Variants in HECW1 observed in about 807,000 individuals in gnomAD.
The protein encoded by HECW1 is HECT, C2 and WW domain containing E3 ubiquitin protein ligase 1.
HECW1 carries 61 observed loss-of-function variants against 182.3 expected under a neutral mutation model. The ratio of observed to expected loss-of-function variants is 0.33; its 90% CI spans 0.27 to 0.41. The LOEUF (loss-of-function observed/expected upper bound fraction) is 0.41. Among genes scored for constraint, HECW1 ranks in the 10% least tolerant of loss-of-function variants. HECW1 has a pLI of 1.00. For missense variants in HECW1, 1,739 were observed against 2,108.9 expected (o/e 0.82, Z 3.44); for synonymous variants, 859 against 832.6 (o/e 1.03, Z -0.55).
intron 5 of HECW1, among the ~76,000 whole-genome samples, chr7:43,345,849 A>G (rs943037335): frequency 6.3e-5 from 9 of 141,790 alleles, no homozygotes; most frequent in Non-Finnish European, 1.1e-4. Flanking sequence ...ATACACACAC[A>G]TCATATATAT....
In HECW1 at chr7:43,293,345, C is replaced by G. The variant is rs576721082; in HGVS notation, c.28-18418C>G. Among the ~76,000 whole-genome samples, 22 of 152,296 alleles carry G rather than the reference C, an allele frequency of 1.4e-4. No individual in the cohort carries two copies. The South Asian group carries it at 1.9e-3, about 13-fold the overall frequency. On this transcript the variant is annotated intron_variant, in intron 3 of 29. Coordinates refer to ENST00000395891, the MANE Select transcript of HECW1 (RefSeq NM_015052.5). ...AGAATCTTCTTGGGTTCAAATACCC[C>G]CTAGAGGTTTCCCATTGGCCACTTC...
At chr7:43,165,122 G>A (rs1053300267) in intron 2 of HECW1, among the ~76,000 whole-genome samples, 1 of 152,156 alleles carries the variant, frequency 6.6e-6, no homozygotes, top group Non-Finnish European at 1.5e-5. Flanking sequence ...CCTAAATGAT[G>A]AAAATAATAA....
At chr7:43,495,622 A>G (rs1458617635) in intron 19 of HECW1, among the ~76,000 whole-genome samples, 1 of 152,176 alleles carries the variant, frequency 6.6e-6, no homozygotes, top group Non-Finnish European at 1.5e-5. Context: ...TTTAGAGTGA[A>G]TGAAAGATCT....
chr7:43,536,675 C>G (rs1026501499), intron 24 of HECW1, among the ~76,000 whole-genome samples: 1 of 152,140 alleles, frequency 6.6e-6, no homozygotes, highest in Non-Finnish European at 1.5e-5. Context: ...AGAAGAATGG[C>G]CTAGGGAGCC....
At chr7:43,404,722 G>A (rs999502904) in intron 7 of HECW1, among the ~76,000 whole-genome samples, 11 of 152,082 alleles carry the variant, frequency 7.2e-5, no homozygotes, top group Non-Finnish European at 2.9e-5. Context: ...GCTCACACCT[G>A]TAATCCCAGC....
At chr7:43,207,342 C>T (rs1251158636) in intron 2 of HECW1, among the ~76,000 whole-genome samples, 1 of 152,110 alleles carries the variant, frequency 6.6e-6, no homozygotes, top group Non-Finnish European at 1.5e-5. Context: ...CACCGCACGC[C>T]GCCTAAAATT....
intron 29 of HECW1, among the ~76,000 whole-genome samples, chr7:43,556,697 T>C (rs372543043): frequency 3.1e-4 from 44 of 144,022 alleles, no homozygotes; most frequent in South Asian, 4.4e-4. Context: ...CAAATTAAAT[T>C]AAAAAAAAAA....
intron 2 of HECW1, among the ~76,000 whole-genome samples, chr7:43,197,310 C>G (rs1350997135): frequency 6.6e-6 from 1 of 152,060 alleles, no homozygotes; most frequent in Non-Finnish European, 1.5e-5. Context: ...GCGGAATACC[C>G]CATCCCACCC....
intron 26 of HECW1, among the ~76,000 whole-genome samples, chr7:43,550,104 C>CAAA (rs5883871): frequency 1.3e-5 from 2 of 148,730 alleles, no homozygotes; most frequent in Admixed American, 1.3e-4. Flanking sequence ...CACATTCTAC[C>CAAA]AAAAAAAAAG....
chr7:43,293,228 A>AAAAT (rs1483211923), intron 3 of HECW1, among the ~76,000 whole-genome samples: 2 of 151,066 alleles, frequency 1.3e-5, no homozygotes, highest in African/African-American at 4.9e-5. Flanking sequence ...TCAAAAAAAA[A>AAAAT]AAAAAAAAGA....
intron 2 of HECW1, among the ~76,000 whole-genome samples, chr7:43,238,165 A>C (rs557606161): frequency 9.7e-4 from 148 of 152,318 alleles, no homozygotes; most frequent in African/African-American, 3.4e-3. Flanking sequence ...GATGTGCCTC[A>C]GATGAAACAT....
intron 11 of HECW1, among the ~76,000 whole-genome samples, chr7:43,446,780 A>C (rs1398083454): frequency 6.6e-6 from 1 of 152,264 alleles, no homozygotes; most frequent in African/African-American, 2.4e-5. Flanking sequence ...AAACACAGGC[A>C]GAAAGGTAAA....
Position 43,507,878 on chromosome 7 carries a change from C to T in HECW1, c.3753-140C>T, listed in dbSNP as rs1291728497. ...TTCAGATAATCCCTCGATGAACTGACGGAACCTGGGTCCTGCTCTTTCCTC... is the reference window on the plus strand; with the variant it reads ...TTCAGATAATCCCTCGATGAACTGATGGAACCTGGGTCCTGCTCTTTCCTC... On this transcript the variant is annotated intron_variant, in intron 22 of 29. Transcript: ENST00000395891. 2.2e-5 allele frequency: 13 copies of T among 600,610 alleles called. 1 individual carries two copies. In the South Asian group the frequency reaches 2.5e-4, roughly 12 times the overall value. 37.2% of individuals were successfully genotyped at this position (600,610 alleles called of 1,614,324 possible). A position where few individuals can be genotyped will look rare whatever the true frequency, so the allele number is the denominator to read the frequency against.
chr7:43,315,891 T>C (rs1384517845), intron 4 of HECW1, among the ~76,000 whole-genome samples: 3 of 152,170 alleles, frequency 2.0e-5, no homozygotes, highest in Non-Finnish European at 4.4e-5. Context: ...TGAATTACTC[T>C]GAAAAATGGA....
rs1024382518 is a variant in HECW1, at chr7:43,112,873, C to T, written c.-331C>T. 1.8e-5 allele frequency: 4 copies of T among 224,030 alleles called. No homozygotes were observed. Among genetic ancestry groups the T allele is most frequent in the Admixed American group, 5.7e-5 (1 of 17,446 alleles). 13.9% of individuals were successfully genotyped at this position (224,030 alleles called of 1,614,324 possible). On this transcript the variant is annotated 5_prime_UTR_variant, in exon 1 of 30. Coordinates refer to ENST00000395891, the MANE Select transcript of HECW1 (RefSeq NM_015052.5). Reference sequence around the variant, plus strand: ...CCCGGTGCACTATGCGGGGCACGTGCGCCCCCCAGCTCTAATCTGCGCGCT... The same window carrying T: ...CCCGGTGCACTATGCGGGGCACGTGTGCCCCCCAGCTCTAATCTGCGCGCT...
At chr7:43,494,176 C>T (rs911024773) in intron 19 of HECW1, among the ~76,000 whole-genome samples, 2 of 152,136 alleles carry the variant, frequency 1.3e-5, no homozygotes, top group Admixed American at 6.5e-5. Flanking sequence ...CTCATTGACA[C>T]CTCTTTTCCC....
chr7:43,205,898 T>C (rs1409893775), intron 2 of HECW1, among the ~76,000 whole-genome samples: 1 of 152,156 alleles, frequency 6.6e-6, no homozygotes, highest in African/African-American at 2.4e-5. Context: ...CCCCCTACAC[T>C]GAGCACAGCT....
intron 6 of HECW1, among the ~76,000 whole-genome samples, chr7:43,386,625 C>G (rs1008989431): frequency 9.2e-5 from 14 of 152,170 alleles, no homozygotes; most frequent in African/African-American, 3.4e-4. Context: ...TTTCTGCTGT[C>G]TTCTAATTAA....
chr7:43,350,615 C>G (rs1444171955), intron 5 of HECW1, among the ~76,000 whole-genome samples: 1 of 152,190 alleles, frequency 6.6e-6, no homozygotes, highest in African/African-American at 2.4e-5. Flanking sequence ...ACCTTGTCTT[C>G]AAGCTCTGAA....
Sources: allele counts gnomAD v4.1 joint callset (sites outside exome capture counted in the v4.1 genomes callset), GRCh38; gene constraint gnomAD v4.1.1; transcripts MANE v1.5; gene names NCBI Gene and HGNC (gene_info 2026-07-23, HGNC 2026-07-21).